Variants in PDE1A observed in about 807,000 individuals in gnomAD.
The protein encoded by PDE1A is phosphodiesterase 1A.
In PDE1A, 35 loss-of-function variants were observed where a neutral mutation model predicts 61.7. That is an observed-to-expected ratio of 0.57 (90% CI 0.43 to 0.75). PDE1A has a LOEUF of 0.75. Ranked by LOEUF, PDE1A falls within the 30% of genes least tolerant of loss-of-function variation. PDE1A has a pLI of 0.00. For synonymous variants in PDE1A, 232 were observed against 213.2 expected (o/e 1.09, Z -0.77); for missense variants, 597 against 630.6 (o/e 0.95, Z 0.57).
the PDE1A span, among the ~76,000 whole-genome samples, chr2:182,656,637 A>G: frequency 6.6e-6 from 1 of 152,234 alleles, no homozygotes. Flanking sequence ...GAGTAGCTGT[A>G]CCTAAAACAA....
At position 182,359,843 on chromosome 2, in the gene PDE1A, C is replaced by T. The variant is rs374641697; in HGVS notation, c.53+66735G>A. Among the ~76,000 whole-genome samples, 8 of 152,170 alleles carry T rather than the reference C, an allele frequency of 5.3e-5. 1 individual carries two copies. The highest frequency in any genetic ancestry group is 2.0e-4 in the Admixed American group (3 of 15,258). On this transcript the variant is annotated intron_variant, in intron 1 of 13. Coordinates refer to ENST00000351439, the Ensembl canonical transcript of PDE1A. ...TGATCACACCACACCAAACATTAGC[C>T]GGCAAAGAAGGGCAGGCTTATCTTG...
the PDE1A span, among the ~76,000 whole-genome samples, chr2:182,562,691 C>T: frequency 2.0e-5 from 3 of 151,848 alleles, no homozygotes; most frequent in East Asian, 5.8e-4. Context: ...GTCCTGGACT[C>T]TTTTTGGTTG....
chr2:182,390,969 C>G (rs1050302741), intron 1 of PDE1A, among the ~76,000 whole-genome samples: 2 of 152,176 alleles, frequency 1.3e-5, no homozygotes, highest in Admixed American at 6.5e-5. Flanking sequence ...CCACAACAGC[C>G]CTGTTTGCTT....
chr2:182,381,556 A>G (rs1574500759), intron 1 of PDE1A, among the ~76,000 whole-genome samples: 2 of 152,228 alleles, frequency 1.3e-5, no homozygotes, highest in East Asian at 1.9e-4. Context: ...GCTCACGCCT[A>G]TAATCCTAGC....
intron 11 of PDE1A, among the ~76,000 whole-genome samples, chr2:182,187,525 A>G (rs1263511275): frequency 6.6e-6 from 1 of 152,120 alleles, no homozygotes; most frequent in African/African-American, 2.4e-5. Context: ...TTTAAGTGAT[A>G]ATGTCCTGTA....
chr2:182,235,127 G>GT (rs1183949576), intron 3 of PDE1A, among the ~76,000 whole-genome samples: 1 of 151,958 alleles, frequency 6.6e-6, no homozygotes, highest in Non-Finnish European at 1.5e-5. Flanking sequence ...GTGGTTTTTT[G>GT]TTTTTGTTTT....
the PDE1A span, among the ~76,000 whole-genome samples, chr2:182,533,030 A>G: frequency 6.7e-6 from 1 of 149,934 alleles, no homozygotes; most frequent in South Asian, 2.1e-4. Flanking sequence ...AAAGCAAAGA[A>G]GAGGCCAGGC....
At chr2:182,453,424 ACTT>A (rs1044630148) in intron 2 of PDE1A, among the ~76,000 whole-genome samples, 2 of 151,886 alleles carry the variant, frequency 1.3e-5, no homozygotes, top group Non-Finnish European at 2.9e-5. Context: ...AGAATTGTGA[ACTT>A]CTTCATTAAA....
chr2:182,603,000 T>C, the PDE1A span, among the ~76,000 whole-genome samples: 320 of 145,030 alleles, frequency 2.2e-3, 2 homozygotes, highest in African/African-American at 8.3e-3. Context: ...CACACATACA[T>C]ACATACATAC....
intron 8 of PDE1A, among the ~76,000 whole-genome samples, chr2:182,205,483 C>T (rs1687020367): frequency 6.6e-6 from 1 of 151,510 alleles, no homozygotes; most frequent in South Asian, 2.1e-4. Flanking sequence ...TTCCTCTGCA[C>T]TTGGGTCATT....
At chr2:182,522,504 C>T in intron 1 of PDE1A, 1 of 1,499,816 alleles carries the variant, frequency 6.7e-7, no homozygotes, top group South Asian at 1.3e-5. Context: ...TGCTGATGTA[C>T]AAAGCTGAGG....
At chr2:182,712,816 A>G in the PDE1A span, among the ~76,000 whole-genome samples, 2 of 152,070 alleles carry the variant, frequency 1.3e-5, no homozygotes, top group African/African-American at 4.8e-5. Context: ...TCAGCCTCCC[A>G]AAGTGCTGGG....
the PDE1A span, among the ~76,000 whole-genome samples, chr2:182,562,877 T>G: frequency 2.6e-4 from 39 of 152,344 alleles, no homozygotes; most frequent in African/African-American, 8.4e-4. Flanking sequence ...TGGTAGTTTG[T>G]ATTTCTGTGG....
the PDE1A span, chr2:182,716,276 C>G: frequency 1.3e-5 from 2 of 152,414 alleles, no homozygotes; most frequent in African/African-American, 4.8e-5. Context: ...CCGTGGAGAC[C>G]GGCGCGTGAG....
chr2:182,438,818 T>A (rs1684609025), intron 2 of PDE1A, among the ~76,000 whole-genome samples: 1 of 152,024 alleles, frequency 6.6e-6, no homozygotes, highest in Admixed American at 6.6e-5. Flanking sequence ...GAGCCACTAG[T>A]GGGCTACTAT....
the PDE1A span, among the ~76,000 whole-genome samples, chr2:182,671,361 T>TTTTTC: frequency 1.8e-3 from 201 of 114,256 alleles, 10 homozygotes; most frequent in Non-Finnish European, 2.9e-3. Context: ...TTTTTTTTTT[T>TTTTTC]GTATTTTTAG....
chr2:182,646,806 T>C, the PDE1A span, among the ~76,000 whole-genome samples: 18 of 152,270 alleles, frequency 1.2e-4, no homozygotes, highest in South Asian at 8.3e-4. Flanking sequence ...TTAAGCAGAA[T>C]GAAAGATCAG....
rs567949568 is a variant in PDE1A, at chr2:182,355,476, G to T, written c.53+71102C>A. ...TTCATAAAATAAACCTAAGTTTGAA[G>T]ATAAAATTGTAACACTATGAAACAC... On this transcript the variant is annotated intron_variant, in intron 1 of 13. Transcript: ENST00000351439. Among the ~76,000 whole-genome samples the T allele has an allele frequency of 2.0e-5, 3 of 151,852 alleles. No individual in the cohort carries two copies. The South Asian group carries it at 6.2e-4, about 32-fold the overall frequency.
At chr2:182,346,419 G>A (rs1177320916) in intron 1 of PDE1A, among the ~76,000 whole-genome samples, 2 of 152,090 alleles carry the variant, frequency 1.3e-5, no homozygotes, top group Non-Finnish European at 2.9e-5. Flanking sequence ...ACCAGATCAG[G>A]GAGGGTAAGT....
Sources: gnomAD v4.1 joint callset for allele counts (sites outside exome capture counted in the v4.1 genomes callset) on GRCh38, gnomAD v4.1.1 for gene constraint, MANE v1.5 for transcripts, NCBI Gene and HGNC (gene_info 2026-07-23, HGNC 2026-07-21) for gene names.